The following CUEDC1 variants were observed in gnomAD, a reference collection of about 807,000 sequenced individuals.
CUEDC1 encodes CUE domain-containing protein 1.
Under a neutral mutation model 43.7 loss-of-function variants are expected in CUEDC1, and 30 were observed. The ratio of observed to expected loss-of-function variants is 0.69; its 90% CI spans 0.51 to 0.93. The LOEUF (loss-of-function observed/expected upper bound fraction) is 0.93, where lower values mean the gene tolerates loss of function less well. CUEDC1 is among the 40% of genes least tolerant of loss of function. The pLI, the probability that CUEDC1 is intolerant of heterozygous loss-of-function variation, is 0.00. For synonymous variants in CUEDC1, 223 were observed against 223.6 expected (o/e 1.00, Z 0.02); for missense variants, 486 against 549.0 (o/e 0.89, Z 1.15).
intron 2 of CUEDC1, 59 bp from the exon 3 acceptor site, chr17:57,879,797 A>G: frequency 1.3e-6 from 2 of 1,532,044 alleles, no homozygotes; most frequent in South Asian, 1.2e-5. Context: ...TTTAAATACC[A>G]TTCAGACAAA....
intron 1 of CUEDC1, among the ~76,000 whole-genome samples, chr17:57,937,018 A>G (rs2074869122): frequency 6.6e-6 from 1 of 151,768 alleles, no homozygotes; most frequent in South Asian, 2.1e-4. Flanking sequence ...ACAGGGTTTC[A>G]CCATGTTGGC....
rs187696822 is a variant in CUEDC1, at chr17:57,869,336, T to C, written c.869-143A>G. 1.6e-4 allele frequency: 109 copies of C among 699,466 alleles called. 2 individuals carry two copies. In the East Asian group the frequency reaches 2.5e-3, roughly 16 times the overall value. The allele number at this position is 699,466 out of a possible 1,614,324, so 43.3% of individuals were successfully genotyped here. A position where few individuals can be genotyped will look rare whatever the true frequency, so the allele number is the denominator to read the frequency against. ...AAGGGAGTTTAAAGCAAGGAGGATG[T>C]GGAGTTCCAGGAGCTCCTCTTTCCC... On this transcript the variant is annotated intron_variant, in intron 6 of 10. Transcript: ENST00000577830.
intron 1 of CUEDC1, among the ~76,000 whole-genome samples, chr17:57,921,255 C>T (rs1410841434): frequency 2.6e-5 from 4 of 152,206 alleles, no homozygotes; most frequent in Non-Finnish European, 4.4e-5. Flanking sequence ...TGGGGGGAAC[C>T]CCCTTCCCCT....
chr17:57,863,367 C>G (rs1331738271), intron 10 of CUEDC1, 82 bp from the exon 11 acceptor site: 4 of 152,236 alleles, frequency 2.6e-5, no homozygotes, highest in Non-Finnish European at 5.9e-5. Flanking sequence ...CCTGGAGAGA[C>G]AGTTTTGGGA....
rs748292790 is a variant in CUEDC1 at position 57,873,724 on chromosome 17, G to A, written c.465-7C>T. The A allele has an allele frequency of 2.6e-6, 4 of 1,562,358 alleles. No individual in the cohort carries two copies. Among genetic ancestry groups the A allele is most frequent in the Non-Finnish European group, 3.5e-6 (4 of 1,151,596 alleles). ...AGAGCCCAGCGCGTCGATACTAGGG[G>A]ATGGCAGGTGACAGGGAAGAGGAAG... On this transcript the variant is annotated splice_region_variant and splice_polypyrimidine_tract_variant and intron_variant, in intron 3 of 10. Coordinates refer to ENST00000577830, the MANE Select transcript of CUEDC1 (RefSeq NM_001271875.2).
intron 2 of CUEDC1, among the ~76,000 whole-genome samples, chr17:57,885,027 T>G (rs2074267630): frequency 6.6e-6 from 1 of 152,266 alleles, no homozygotes; most frequent in Non-Finnish European, 1.5e-5. Flanking sequence ...GCATGATTTC[T>G]GCCCATAAAA....
intron 1 of CUEDC1, among the ~76,000 whole-genome samples, chr17:57,910,696 T>C (rs1739572975): frequency 6.6e-6 from 1 of 152,092 alleles, no homozygotes; most frequent in African/African-American, 2.4e-5. Flanking sequence ...ATGCCAAATA[T>C]ATCAATAACT....
intron 1 of CUEDC1, among the ~76,000 whole-genome samples, chr17:57,905,249 GACAC>G (rs761744709): frequency 0.035 from 4,428 of 127,960 alleles, 69 homozygotes; most frequent in Non-Finnish European, 0.04. Context: ...CTCTCTCTCT[GACAC>G]ACACACACAC....
chr17:57,927,920 G>C (rs1163064949), intron 1 of CUEDC1, among the ~76,000 whole-genome samples: 2 of 152,218 alleles, frequency 1.3e-5, no homozygotes, highest in South Asian at 2.1e-4. Context: ...GGCTTAGAGA[G>C]ACTAAATAGC....
intron 1 of CUEDC1, among the ~76,000 whole-genome samples, chr17:57,950,797 G>A (rs928606467): frequency 6.6e-6 from 1 of 152,152 alleles, no homozygotes; most frequent in Admixed American, 6.6e-5. Flanking sequence ...ACTGCCTATT[G>A]GGCCTGCCCC....
rs73314272 is a variant in CUEDC1, at chr17:57,917,350, G to C, written c.-315-31471C>G. On this transcript the variant is annotated intron_variant, in intron 1 of 10. Transcript: ENST00000577830. ...AAGGGCCTCTTGACTGGCACTCATTGTTCATCAGGTGACACATACTAAGTG... is the reference window on the plus strand; with the variant it reads ...AAGGGCCTCTTGACTGGCACTCATTCTTCATCAGGTGACACATACTAAGTG... Among the ~76,000 whole-genome samples the C allele has an allele frequency of 6.8e-3, 1,036 of 152,324 alleles. 15 individuals carry two copies. The highest frequency in any genetic ancestry group is 0.023 in the African/African-American group (974 of 41,552).
At position 57,867,403 on chromosome 17, in the gene CUEDC1, G is replaced by A. The variant is rs1292621353; in HGVS notation, c.1047C>T (p.Ala349=). The A allele has an allele frequency of 1.1e-5, 17 of 1,552,502 alleles. No individual in the cohort carries two copies. Among genetic ancestry groups the A allele is most frequent in the African/African-American group, 4.1e-5 (3 of 73,222 alleles). Residue 349 remains alanine, a synonymous_variant, in exon 9 of 11, where the codon GCC becomes GCT. Coordinates refer to ENST00000577830, the MANE Select transcript of CUEDC1 (RefSeq NM_001271875.2). The part of the protein sequence containing the change: ...HLLKHQSLGA[A]ASTANLLDDV... ...CATCCAGGAGGTTGGCTGTTGACGC[G>A]GCAGCCCCCAGCCTGCCAGGCCATT...
At chr17:57,866,331 C>T (rs533220796) in intron 10 of CUEDC1, 143 bp downstream of exon 10, 1 of 659,724 alleles carries the variant, frequency 1.5e-6, no homozygotes, top group Non-Finnish European at 2.7e-6. Flanking sequence ...CCTGCCGCAA[C>T]TATGAGGGAA....
At chr17:57,889,915 G>T (rs142278998) in intron 1 of CUEDC1, among the ~76,000 whole-genome samples, 11 of 152,286 alleles carry the variant, frequency 7.2e-5, no homozygotes, top group Non-Finnish European at 1.3e-4. Context: ...CTGGGAGCAG[G>T]GTCAGAGCCG....
Position 57,868,248 on chromosome 17 carries a change from G to C in CUEDC1, c.941-5C>G. On this transcript the variant is annotated splice_region_variant and splice_polypyrimidine_tract_variant and intron_variant, in intron 7 of 10. Coordinates refer to ENST00000577830, the MANE Select transcript of CUEDC1 (RefSeq NM_001271875.2). Reference sequence around the variant, plus strand: ...CAAACAGTTTCCTCCGGGTGGCTGGGGGCAGAGAGACCTGTGAGTCATTCT... The same window carrying C: ...CAAACAGTTTCCTCCGGGTGGCTGGCGGCAGAGAGACCTGTGAGTCATTCT... 1 of 1,613,716 alleles carries C rather than the reference G, an allele frequency of 6.2e-7. No individual in the cohort carries two copies. Among genetic ancestry groups the C allele is most frequent in the Non-Finnish European group, 8.5e-7 (1 of 1,179,594 alleles).
chr17:57,865,307 G>A (rs1007656937), intron 10 of CUEDC1, among the ~76,000 whole-genome samples: 1 of 152,216 alleles, frequency 6.6e-6, no homozygotes, highest in African/African-American at 2.4e-5. Flanking sequence ...GCAGTGCCTG[G>A]TGGGAGATGT....
rs145199396 is a variant in CUEDC1, at chr17:57,876,019, G to A, written c.465-2302C>T. On this transcript the variant is annotated intron_variant, in intron 3 of 10. Transcript: ENST00000577830. ...TGTGCCCTAGGAGGCCAATACCCAC[G>A]CTCCCAAACTCTGCCCCATCTGCAG... is the stretch of plus-strand genomic sequence containing the variant. Among the ~76,000 whole-genome samples, 4 of 152,192 alleles carry A rather than the reference G, an allele frequency of 2.6e-5. No homozygotes were observed. The East Asian group carries it at 5.8e-4, about 22-fold the overall frequency.
intron 2 of CUEDC1, among the ~76,000 whole-genome samples, chr17:57,882,625 A>G (rs139390572): frequency 6.6e-6 from 1 of 152,064 alleles, no homozygotes; most frequent in East Asian, 1.9e-4. Flanking sequence ...TTATAGGTAG[A>G]TTTTCTTCCA....
At chr17:57,906,182 C>T (rs2074528425) in intron 1 of CUEDC1, among the ~76,000 whole-genome samples, 1 of 152,140 alleles carries the variant, frequency 6.6e-6, no homozygotes, top group Non-Finnish European at 1.5e-5. Context: ...TCACAATAGT[C>T]CACAGCTGGA....
Sources: gnomAD v4.1 joint callset for allele counts (sites outside exome capture counted in the v4.1 genomes callset) on GRCh38, gnomAD v4.1.1 for gene constraint, MANE v1.5 for transcripts, NCBI Gene and HGNC (gene_info 2026-07-23, HGNC 2026-07-21) for gene names.